The following MBD2 variants were observed in gnomAD, a reference collection of about 807,000 sequenced individuals.
MBD2 encodes the protein methyl-CpG binding domain protein 2.
MBD2 carries 9 observed loss-of-function variants against 39.3 expected under a neutral mutation model. The ratio of observed to expected loss-of-function variants is 0.23; its 90% CI spans 0.14 to 0.40. The LOEUF is 0.40. MBD2 is among the 10% of genes least tolerant of loss of function. The pLI is 1.00. For missense variants in MBD2, 458 were observed against 532.6 expected, an observed-to-expected ratio of 0.86 and a Z score of 1.38; for synonymous variants, 233 against 211.1, an observed-to-expected ratio of 1.10 and a Z score of -0.90.
At chr18:54,189,162 G>A (rs996936118) in intron 2 of MBD2, 151 bp from the exon 3 acceptor site, 1 of 430,018 alleles carries the variant, frequency 2.3e-6, no homozygotes, top group Admixed American at 4.0e-5. Flanking sequence ...TACATGTTAA[G>A]CACCTAATAA....
In MBD2 at chr18:54,177,408, A is replaced by G. The variant is rs113732008; in HGVS notation, c.841-11242T>C. Among the ~76,000 whole-genome samples, 780 of 152,330 alleles carry G rather than the reference A, an allele frequency of 5.1e-3. 10 individuals carry two copies. The highest frequency in any genetic ancestry group is 0.016 in the African/African-American group (666 of 41,562). ...TTTGATCTCTAATAGATAAGGATCT[A>G]TCATTAGTTCTTTATAAGAAGATGT... is the stretch of plus-strand genomic sequence containing the variant. On this transcript the variant is annotated intron_variant, in intron 3 of 6. Coordinates refer to ENST00000256429, the MANE Select transcript of MBD2 (RefSeq NM_003927.5).
chr18:54,171,220 G>A (rs952442161), intron 3 of MBD2, among the ~76,000 whole-genome samples: 3 of 151,968 alleles, frequency 2.0e-5, no homozygotes, highest in Non-Finnish European at 4.4e-5. Flanking sequence ...TGACCAAGAT[G>A]GTGAAACCCC....
chr18:54,204,547 G>T (rs2086434316), intron 2 of MBD2, among the ~76,000 whole-genome samples: 1 of 152,006 alleles, frequency 6.6e-6, no homozygotes, highest in South Asian at 2.1e-4. Flanking sequence ...ATAGAATTAG[G>T]ATATTATTCA....
intron 3 of MBD2, among the ~76,000 whole-genome samples, chr18:54,174,689 G>A (rs1328938977): frequency 6.6e-6 from 1 of 152,182 alleles, no homozygotes; most frequent in Non-Finnish European, 1.5e-5. Flanking sequence ...GGTATTTTAT[G>A]GGTCGGTCTG....
Position 54,224,607 on chromosome 18 carries a change from T to C in MBD2, c.-48A>G. On this transcript the variant is annotated 5_prime_UTR_variant, in exon 1 of 7. Coordinates refer to ENST00000256429, the MANE Select transcript of MBD2 (RefSeq NM_003927.5). ...CTGCGCTTCTTCCGTAACCGAGCCCTTGGAATCCCGGAGACCCGCCCCGCC... is the reference window on the plus strand; with the variant it reads ...CTGCGCTTCTTCCGTAACCGAGCCCCTGGAATCCCGGAGACCCGCCCCGCC... The C allele has an allele frequency of 1.7e-6, 2 of 1,203,834 alleles. No individual in the cohort carries two copies. Among genetic ancestry groups the C allele is most frequent in the Non-Finnish European group, 2.1e-6 (2 of 964,194 alleles). The allele number at this position is 1,203,834 out of a possible 1,614,324, so 74.6% of individuals were successfully genotyped here. A position where few individuals can be genotyped will look rare whatever the true frequency, so the allele number is the denominator to read the frequency against.
chr18:54,155,225 T>C lies in MBD2; in HGVS notation c.*99A>G, dbSNP rs140095500. On this transcript the variant is annotated 3_prime_UTR_variant, in exon 7 of 7. Transcript: ENST00000256429. ...AAAAAGCTCTATGTGCTCGGGTACATTTTTTTTCTTACAGGCAAAAGCCAG... is the reference window on the plus strand; with the variant it reads ...AAAAAGCTCTATGTGCTCGGGTACACTTTTTTTCTTACAGGCAAAAGCCAG... 57 of 152,134 alleles carry C rather than the reference T, an allele frequency of 3.7e-4. No homozygotes were observed. The highest frequency in any genetic ancestry group is 1.3e-3 in the African/African-American group (54 of 41,446). 9.4% of individuals were successfully genotyped at this position (152,134 alleles called of 1,614,324 possible).
intron 1 of MBD2, among the ~76,000 whole-genome samples, chr18:54,219,834 T>C (rs1456272711): frequency 6.6e-6 from 1 of 152,240 alleles, no homozygotes; most frequent in Non-Finnish European, 1.5e-5. Context: ...TGTGTCTCGC[T>C]CTGTCGCCCA....
chr18:54,200,273 T>C (rs2086396125), intron 2 of MBD2, among the ~76,000 whole-genome samples: 1 of 152,244 alleles, frequency 6.6e-6, no homozygotes, highest in South Asian at 2.1e-4. Flanking sequence ...ACCATATTCA[T>C]ATTGTAAGCA....
chr18:54,214,723 GTAGAAT>G (rs2086541398), intron 1 of MBD2, among the ~76,000 whole-genome samples: 1 of 148,536 alleles, frequency 6.7e-6, no homozygotes. Context: ...TTTCCACGAG[GTAGAAT>G]TCTTTTAGAA....
rs2086044222 is a variant in MBD2 at position 54,155,259 on chromosome 18, T to C, written c.*65A>G. The C allele has an allele frequency of 6.6e-6, 1 of 151,764 alleles. No individual in the cohort carries two copies. The highest frequency in any genetic ancestry group is 2.4e-5 in the African/African-American group (1 of 41,278). 9.4% of individuals were successfully genotyped at this position (151,764 alleles called of 1,614,324 possible). A position where few individuals can be genotyped will look rare whatever the true frequency, so the allele number is the denominator to read the frequency against. ...TTACAGGCAAAAGCCAGTGGAAACA[T>C]TTTTGTTCAATTTCTAGGAATTTTC... On this transcript the variant is annotated 3_prime_UTR_variant, in exon 7 of 7. Coordinates refer to ENST00000256429, the MANE Select transcript of MBD2 (RefSeq NM_003927.5).
intron 3 of MBD2, among the ~76,000 whole-genome samples, chr18:54,177,485 CT>C (rs777049215): frequency 5.9e-4 from 86 of 145,098 alleles, no homozygotes; most frequent in East Asian, 2.0e-3. Context: ...AAATTAATTC[CT>C]TTTTTTTTTT....
intron 1 of MBD2, 66 bp from the exon 2 acceptor site, chr18:54,205,223 G>T: frequency 1.5e-6 from 2 of 1,377,912 alleles, no homozygotes; most frequent in Non-Finnish European, 2.0e-6. Flanking sequence ...TTTTCTTCAT[G>T]TCTTCCCCTA....
At chr18:54,166,001 C>G (rs2086128924) in intron 4 of MBD2, 75 bp downstream of exon 4, 1 of 996,522 alleles carries the variant, frequency 1.0e-6, no homozygotes, top group African/African-American at 1.6e-5. Context: ...ATTGCTGAAT[C>G]CACAGCATCT....
chr18:54,195,556 T>C (rs80118556), intron 2 of MBD2, among the ~76,000 whole-genome samples: 5,911 of 152,140 alleles, frequency 0.039, 165 homozygotes, highest in Non-Finnish European at 0.059. Flanking sequence ...AGAATAATAA[T>C]AGCTATTGGA....
chr18:54,203,156 G>T, intron 2 of MBD2: 1 of 1,602,948 alleles, frequency 6.2e-7, no homozygotes, highest in Non-Finnish European at 8.5e-7. Context: ...TTTGGTTTTT[G>T]ATGAAACATA....
chr18:54,167,254 C>A (rs1270644245), intron 3 of MBD2, among the ~76,000 whole-genome samples: 1 of 152,118 alleles, frequency 6.6e-6, no homozygotes, highest in Non-Finnish European at 1.5e-5. Flanking sequence ...ACACACAAAC[C>A]CATACTGAAA....
intron 5 of MBD2, among the ~76,000 whole-genome samples, chr18:54,164,071 A>G (rs1013675818): frequency 1.3e-5 from 2 of 152,062 alleles, no homozygotes; most frequent in African/African-American, 4.8e-5. Context: ...TTTTTTGTGG[A>G]GATGGGGTCT....
intron 1 of MBD2, among the ~76,000 whole-genome samples, chr18:54,216,035 G>A (rs970421513): frequency 1.3e-5 from 2 of 151,578 alleles, no homozygotes; most frequent in African/African-American, 2.4e-5. Flanking sequence ...TTGAACTCCT[G>A]ACCTCAGGTG....
At chr18:54,220,223 T>C (rs1036286725) in intron 1 of MBD2, among the ~76,000 whole-genome samples, 3 of 152,118 alleles carry the variant, frequency 2.0e-5, no homozygotes, top group African/African-American at 7.2e-5. Flanking sequence ...AGGAGTCAAG[T>C]AGACAAGTTA....
Sources: allele counts gnomAD v4.1 joint callset (sites outside exome capture counted in the v4.1 genomes callset), GRCh38; gene constraint gnomAD v4.1.1; transcripts MANE v1.5; gene names NCBI Gene and HGNC (gene_info 2026-07-23, HGNC 2026-07-21).